The following THAP6 variants were observed in gnomAD, a reference collection of about 807,000 sequenced individuals.
THAP6 encodes THAP domain-containing protein 6.
In THAP6, 13 loss-of-function variants were observed where a neutral mutation model predicts 20.0. The ratio of observed to expected loss-of-function variants is 0.65; its 90% CI spans 0.42 to 1.03. The LOEUF is 1.03. Among genes scored for constraint, THAP6 ranks in the 50% least tolerant of loss-of-function variants. The probability of loss-of-function intolerance (pLI) is 0.00; values close to 1 mark genes in which losing one functional copy is unlikely to be tolerated. For missense variants in THAP6, 262 were observed against 261.6 expected (o/e 1.00, Z -0.01); for synonymous variants, 93 against 92.2 (o/e 1.01, Z -0.05).
At chr4:75,546,167 A>G (rs1037025742) in intron 3 of THAP6, among the ~76,000 whole-genome samples, 17 of 152,202 alleles carry the variant, frequency 1.1e-4, no homozygotes, top group African/African-American at 3.9e-4. Flanking sequence ...CTGAAATTCC[A>G]AACACATGTT....
intron 3 of THAP6, among the ~76,000 whole-genome samples, chr4:75,545,517 A>C (rs1727106562): frequency 6.6e-6 from 1 of 152,148 alleles, no homozygotes; most frequent in Admixed American, 6.5e-5. Context: ...CCTTCAAGTC[A>C]GTGCCAACCG....
rs1560546581 is a variant in THAP6 at position 75,527,175 on chromosome 4, CTGT to C, written c.634_636del (p.Cys212del). 4 of 1,614,068 alleles carry C rather than the reference CTGT, an allele frequency of 2.5e-6. No individual in the cohort carries two copies. Among genetic ancestry groups the C allele is most frequent in the Non-Finnish European group, 3.4e-6 (4 of 1,179,958 alleles). ...ATAGACTGGACACTTTCTGTTGGGA[CTGT>C]TGTCAGGAGAGCATAGAACAGGACT... On this transcript the variant is annotated inframe_deletion, in exon 5 of 5. Coordinates refer to ENST00000311638, the MANE Select transcript of THAP6 (RefSeq NM_144721.6).
chr4:75,533,540 A>G (rs1309499957), downstream of THAP6, among the ~76,000 whole-genome samples: 1 of 152,074 alleles, frequency 6.6e-6, no homozygotes, highest in East Asian at 1.9e-4. Flanking sequence ...CTCGGTACCA[A>G]TTTGCTGTAT....
chr4:75,514,254 G>A, upstream of THAP6: 1 of 1,612,348 alleles, frequency 6.2e-7, no homozygotes, highest in Middle Eastern at 1.7e-4. Context: ...GCTCTTGACC[G>A]CTGGCGCCAT....
intron 3 of THAP6, among the ~76,000 whole-genome samples, chr4:75,546,511 A>G (rs1050977450): frequency 2.0e-5 from 3 of 152,206 alleles, no homozygotes; most frequent in African/African-American, 4.8e-5. Flanking sequence ...TATTCACTAA[A>G]CCTGTCAAGC....
chr4:75,539,955 G>T (rs1233414482), intron 2 of THAP6: 3 of 1,535,676 alleles, frequency 2.0e-6, no homozygotes, highest in Non-Finnish European at 2.6e-6. Flanking sequence ...GGCAACAGTG[G>T]TCAGGTAGGC....
At chr4:75,518,732 T>G (rs1355364257) in intron 3 of THAP6, among the ~76,000 whole-genome samples, 2 of 152,218 alleles carry the variant, frequency 1.3e-5, no homozygotes, top group African/African-American at 4.8e-5. Flanking sequence ...GCTTTCAAAC[T>G]TTAGTCTACG....
chr4:75,544,652 C>T (rs548526228), intron 3 of THAP6: 1 of 152,258 alleles, frequency 6.6e-6, no homozygotes, highest in East Asian at 1.9e-4. Flanking sequence ...GTCCCCACCA[C>T]CACATCTGGC....
Position 75,515,441 on chromosome 4 carries a change from T to C in THAP6, c.-12T>C, listed in dbSNP as rs755500711. The C allele has an allele frequency of 3.1e-6, 5 of 1,612,758 alleles. No homozygotes were observed. Among genetic ancestry groups the C allele is most frequent in the Non-Finnish European group, 4.2e-6 (5 of 1,178,780 alleles). On this transcript the variant is annotated 5_prime_UTR_variant, in exon 2 of 5. An upstream start codon of the reference 5' UTR is lost. Coordinates refer to ENST00000311638, the MANE Select transcript of THAP6 (RefSeq NM_144721.6). ...TTCTAATTTTCTTTCAGTTTTGTTA[T>C]GAGTTGCTAAAATGGTGAAATGCTG...
At chr4:75,515,625 T>C in intron 2 of THAP6, 93 bp downstream of exon 2, 2 of 1,179,188 alleles carry the variant, frequency 1.7e-6, no homozygotes, top group Non-Finnish European at 2.5e-6. Context: ...GAACTTTAGT[T>C]CCCGAGTCCT....
intron 3 of THAP6, among the ~76,000 whole-genome samples, chr4:75,546,945 A>G (rs1727139705): frequency 6.6e-6 from 1 of 152,232 alleles, no homozygotes; most frequent in Admixed American, 6.5e-5. Context: ...AAGCCCAGCC[A>G]AGTTGGCACA....
chr4:75,530,080 T>G, downstream of THAP6: 1 of 984,734 alleles, frequency 1.0e-6, no homozygotes, highest in Non-Finnish European at 1.2e-6. Flanking sequence ...CAGAGAAAAA[T>G]GAAGAGTACG....
At chr4:75,514,275 C>G, upstream of THAP6, 1 of 1,612,440 alleles carries the variant, frequency 6.2e-7, no homozygotes, top group Non-Finnish European at 8.5e-7. Context: ...CTTCCCGGGC[C>G]GTCGCCGCCA....
chr4:75,524,846 C>G (rs2148818063), intron 4 of THAP6, among the ~76,000 whole-genome samples: 1 of 152,248 alleles, frequency 6.6e-6, no homozygotes, highest in South Asian at 2.1e-4. Flanking sequence ...GCGTCAACCT[C>G]CCAGGCTCAA....
At chr4:75,524,467 A>G (rs1237276850) in intron 4 of THAP6, among the ~76,000 whole-genome samples, 9 of 152,146 alleles carry the variant, frequency 5.9e-5, no homozygotes, top group Non-Finnish European at 1.2e-4. Context: ...TTACTTTAAC[A>G]TTTCCTATAG....
chr4:75,533,781 C>T (rs1367339632), downstream of THAP6, among the ~76,000 whole-genome samples: 1 of 151,838 alleles, frequency 6.6e-6, no homozygotes, highest in Non-Finnish European at 1.5e-5. Flanking sequence ...TTTTATTATA[C>T]TTTAAGTTCT....
chr4:75,535,907 T>C (rs78049797), intron 2 of THAP6, among the ~76,000 whole-genome samples: 199 of 152,278 alleles, frequency 1.3e-3, no homozygotes, highest in African/African-American at 4.6e-3. Flanking sequence ...AACTGACAAA[T>C]TTCTCTGTCC....
intron 3 of THAP6, among the ~76,000 whole-genome samples, chr4:75,519,778 G>T (rs563573986): frequency 1.6e-4 from 25 of 151,596 alleles, no homozygotes; most frequent in African/African-American, 5.8e-4. Context: ...GAATAATGCC[G>T]CAATAAACAT....
chr4:75,546,611 A>C (rs1035646869), intron 3 of THAP6, among the ~76,000 whole-genome samples: 1 of 152,182 alleles, frequency 6.6e-6, no homozygotes, highest in Non-Finnish European at 1.5e-5. Flanking sequence ...TATGGAGAGG[A>C]GAGGTTTAGT....
Sources: gnomAD v4.1 joint callset for allele counts (sites outside exome capture counted in the v4.1 genomes callset) on GRCh38, gnomAD v4.1.1 for gene constraint, MANE v1.5 for transcripts, NCBI Gene and HGNC (gene_info 2026-07-23, HGNC 2026-07-21) for gene names.